The following SBF2 variants were observed in gnomAD, a reference collection of about 807,000 sequenced individuals.
SBF2 encodes myotubularin-related protein 13.
In SBF2, 112 loss-of-function variants were observed where a neutral mutation model predicts 225.2. That is an observed-to-expected ratio of 0.50 (90% CI 0.43 to 0.58). The LOEUF (loss-of-function observed/expected upper bound fraction) is 0.58. Among genes scored for constraint, SBF2 ranks in the 20% least tolerant of loss-of-function variants. SBF2 has a pLI of 0.00. For missense variants in SBF2, 1,996 were observed against 2,206.2 expected (o/e 0.90, Z 1.91); for synonymous variants, 763 against 773.3 (o/e 0.99, Z 0.22).
intron 34 of SBF2, among the ~76,000 whole-genome samples, chr11:9,790,152 A>G (rs360135): frequency 0.057 from 8,710 of 152,268 alleles, 669 homozygotes; most frequent in African/African-American, 0.18. Context: ...TTGGCTCCGA[A>G]TATCTCTGCT....
intron 12 of SBF2, among the ~76,000 whole-genome samples, chr11:9,991,573 T>C (rs986541054): frequency 1.3e-5 from 2 of 152,172 alleles, no homozygotes; most frequent in East Asian, 1.9e-4. Context: ...TCTAATATAG[T>C]ACTCTTTCAA....
intron 2 of SBF2, among the ~76,000 whole-genome samples, chr11:10,188,771 A>G (rs1412114173): frequency 6.6e-6 from 1 of 152,220 alleles, no homozygotes; most frequent in African/African-American, 2.4e-5. Flanking sequence ...TTATTACTTC[A>G]AAGAGACAAC....
At chr11:10,057,769 C>T (rs1950302360) in intron 2 of SBF2, among the ~76,000 whole-genome samples, 1 of 152,172 alleles carries the variant, frequency 6.6e-6, no homozygotes, top group Non-Finnish European at 1.5e-5. Context: ...TTTCAAAGCA[C>T]TGAGAGGGAA....
chr11:9,829,272 A>C, intron 28 of SBF2, 84 bp downstream of exon 28: 1 of 1,467,420 alleles, frequency 6.8e-7, no homozygotes, highest in Non-Finnish European at 9.5e-7. Context: ...AGTACAAATA[A>C]CAAATAACAG....
chr11:9,921,093 G>T, intron 16 of SBF2, among the ~76,000 whole-genome samples: 1 of 121,664 alleles, frequency 8.2e-6, no homozygotes, highest in Non-Finnish European at 1.7e-5. Flanking sequence ...TTTTGGAGCT[G>T]GAGTTTTGCT....
chr11:10,205,801 G>A (rs1303365968), intron 1 of SBF2, among the ~76,000 whole-genome samples: 3 of 152,054 alleles, frequency 2.0e-5, no homozygotes, highest in Non-Finnish European at 4.4e-5. Context: ...GGCCTGGGAA[G>A]CCTTTGTCAT....
chr11:9,800,614 A>G (rs1853433260), intron 32 of SBF2, among the ~76,000 whole-genome samples: 1 of 152,084 alleles, frequency 6.6e-6, no homozygotes, highest in African/African-American at 2.4e-5. Context: ...TCACTGTGTT[A>G]GCCAGGATGG....
In SBF2 at chr11:9,780,519, A is replaced by G. The variant is rs770176461; in HGVS notation, c.5452-3T>C. Reference sequence around the variant, plus strand: ...TACACACGTTTGCTGGTCTTGAGCTACAAAACCAAATGACAGTGAACCAGA... The same window carrying G: ...TACACACGTTTGCTGGTCTTGAGCTGCAAAACCAAATGACAGTGAACCAGA... On this transcript the variant is annotated splice_polypyrimidine_tract_variant and splice_region_variant and intron_variant, in intron 39 of 39. Transcript: ENST00000256190. The G allele has an allele frequency of 1.2e-5, 20 of 1,613,638 alleles. No homozygotes were observed. The South Asian group carries it at 2.0e-4, about 16-fold the overall frequency.
chr11:10,300,579 T>A (rs1000410353), intron 1 of SBF2, among the ~76,000 whole-genome samples: 14 of 151,900 alleles, frequency 9.2e-5, no homozygotes, highest in African/African-American at 2.7e-4. Context: ...TAATCTGATA[T>A]CACAGGATCC....
intron 2 of SBF2, among the ~76,000 whole-genome samples, chr11:10,103,212 T>C (rs1952387587): frequency 6.6e-6 from 1 of 152,228 alleles, no homozygotes. Flanking sequence ...TGATATCCAG[T>C]GTTTTAAACC....
chr11:10,146,914 C>T (rs1238587192), intron 2 of SBF2, among the ~76,000 whole-genome samples: 2 of 152,054 alleles, frequency 1.3e-5, no homozygotes, highest in East Asian at 1.9e-4. Flanking sequence ...CATGAACAGA[C>T]ATTTTTCAAA....
chr11:9,781,983 G>A (rs539328653), intron 38 of SBF2, among the ~76,000 whole-genome samples: 21 of 152,066 alleles, frequency 1.4e-4, no homozygotes, highest in Admixed American at 1.2e-3. Flanking sequence ...CCAGGAGTTC[G>A]AGACCAGCCT....
chr11:10,274,455 G>T (rs1962791617), intron 1 of SBF2, among the ~76,000 whole-genome samples: 2 of 152,192 alleles, frequency 1.3e-5, no homozygotes, highest in African/African-American at 2.4e-5. Flanking sequence ...TTTATTAAGA[G>T]AATTATAAAG....
At position 9,871,846 on chromosome 11, in the gene SBF2, T is replaced by C. The variant is rs1256407047; in HGVS notation, c.1930-13450A>G. Among the ~76,000 whole-genome samples the C allele has an allele frequency of 7.2e-5, 11 of 152,098 alleles. No individual in the cohort carries two copies. The East Asian group carries it at 1.3e-3, about 19-fold the overall frequency. ...CAGATGTTGGTGAGGTTGCACAGTA[T>C]AGGAACACTTTTACACTGTTGGTGG... On this transcript the variant is annotated intron_variant, in intron 17 of 39. Coordinates refer to ENST00000256190, the MANE Select transcript of SBF2 (RefSeq NM_030962.4).
chr11:10,081,231 G>A (rs1951351943), intron 2 of SBF2, among the ~76,000 whole-genome samples: 1 of 151,960 alleles, frequency 6.6e-6, no homozygotes, highest in Admixed American at 6.6e-5. Flanking sequence ...GTATCTTCTT[G>A]GACCACAGTG....
At chr11:9,956,345 CAT>C (rs1224360089) in intron 16 of SBF2, among the ~76,000 whole-genome samples, 2 of 152,166 alleles carry the variant, frequency 1.3e-5, no homozygotes, top group African/African-American at 4.8e-5. Context: ...TCTTATTTCT[CAT>C]ATCTTATTAA....
At chr11:10,145,202 C>T (rs1954830934) in intron 2 of SBF2, among the ~76,000 whole-genome samples, 1 of 152,170 alleles carries the variant, frequency 6.6e-6, no homozygotes, top group Non-Finnish European at 1.5e-5. Context: ...ACTCATACGC[C>T]TGGCACCTGG....
At chr11:9,983,169 G>C (rs1018783114) in intron 13 of SBF2, among the ~76,000 whole-genome samples, 3 of 152,184 alleles carry the variant, frequency 2.0e-5, no homozygotes, top group African/African-American at 7.2e-5. Flanking sequence ...GGATAGCCTC[G>C]GGCAAGTTTT....
At chr11:10,059,896 T>C (rs1437526657) in intron 2 of SBF2, among the ~76,000 whole-genome samples, 1 of 152,082 alleles carries the variant, frequency 6.6e-6, no homozygotes, top group Non-Finnish European at 1.5e-5. Flanking sequence ...AAGAGAAGAA[T>C]ACATAGCACT....
Sources: gnomAD v4.1 joint callset for allele counts (sites outside exome capture counted in the v4.1 genomes callset) on GRCh38, gnomAD v4.1.1 for gene constraint, MANE v1.5 for transcripts, NCBI Gene and HGNC (gene_info 2026-07-23, HGNC 2026-07-21) for gene names.